The following DLGAP4 variants were observed in gnomAD, a reference collection of about 807,000 sequenced individuals.
DLGAP4 encodes the protein DLG associated protein 4.
A neutral mutation model predicts 86.9 loss-of-function variants in DLGAP4; 18 were observed. That is an observed-to-expected ratio of 0.21 (90% CI 0.14 to 0.31). The LOEUF is 0.31. Ranked by LOEUF, DLGAP4 falls within the 10% of genes least tolerant of loss-of-function variation. The pLI, the probability that DLGAP4 is intolerant of heterozygous loss-of-function variation, is 1.00. For synonymous variants in DLGAP4, 548 were observed against 574.3 expected (o/e 0.95, Z 0.65); for missense variants, 1,085 against 1,362.6 (o/e 0.80, Z 3.21).
Position 36,431,761 on chromosome 20 carries a change from G to A in DLGAP4, c.44G>A (p.Ser15Asn). 1 of 1,611,046 alleles carries A rather than the reference G, an allele frequency of 6.2e-7. No homozygotes were observed. The highest frequency in any genetic ancestry group is 8.5e-7 in the Non-Finnish European group (1 of 1,178,502). The change falls in exon 3 of 13, where the codon AGC (serine) becomes AAC (asparagine). Residue 15 changes from serine (S) to asparagine (N), a missense_variant. Ser to Asn is a conservative substitution (Grantham distance 46, BLOSUM62 1). Coordinates refer to ENST00000339266, the MANE Select transcript of DLGAP4 (RefSeq NM_001365621.2). This position sits in a 1 kb window ranked among gnomAD's most constrained non-coding sequence, Gnocchi z 5.1. ...AGCCGCCCCCGCCACCTCTCCGACAGCCTAGACCCACCCCACGAGCCCCTG... is the reference window on the plus strand; with the variant it reads ...AGCCGCCCCCGCCACCTCTCCGACAACCTAGACCCACCCCACGAGCCCCTG... Reference protein sequence around the residue: ...GDSRPRHLSDSLDPPHEPLFA... With the variant: ...GDSRPRHLSDNLDPPHEPLFA...
chr20:36,345,103 G>C (rs1481507372), intron 1 of DLGAP4, among the ~76,000 whole-genome samples: 2 of 152,190 alleles, frequency 1.3e-5, no homozygotes, highest in East Asian at 3.9e-4. Context: ...CATTATACAA[G>C]ATGGGGAAAC....
chr20:36,452,720 C>T (rs940285491), intron 7 of DLGAP4, among the ~76,000 whole-genome samples: 5 of 151,302 alleles, frequency 3.3e-5, no homozygotes, highest in South Asian at 2.1e-4. Context: ...ATGTTCGCTA[C>T]GCTGGTCTTG....
chr20:36,519,506 T>G (rs1206778454), intron 10 of DLGAP4, among the ~76,000 whole-genome samples: 1 of 152,214 alleles, frequency 6.6e-6, no homozygotes, highest in Non-Finnish European at 1.5e-5. Flanking sequence ...TGACAGACAC[T>G]TGGGTTGTTT....
intron 10 of DLGAP4, among the ~76,000 whole-genome samples, chr20:36,503,017 G>C (rs1348780901): frequency 3.3e-5 from 5 of 152,256 alleles, no homozygotes; most frequent in African/African-American, 1.2e-4. Flanking sequence ...GAGCCACCAT[G>C]CCTGGCCACC....
chr20:36,460,152 C>T (rs1212667961), intron 7 of DLGAP4, among the ~76,000 whole-genome samples: 1 of 152,124 alleles, frequency 6.6e-6, no homozygotes. Context: ...GTTGTCAGGG[C>T]CCATAACAAA....
chr20:36,450,319 G>A (rs911350842), intron 7 of DLGAP4, among the ~76,000 whole-genome samples: 8 of 152,120 alleles, frequency 5.3e-5, no homozygotes, highest in Admixed American at 1.3e-4. Context: ...CCAACATGGC[G>A]AAACCCTGTC....
Position 36,393,746 on chromosome 20 carries a change from T to C in DLGAP4, c.-73+26471T>C, listed in dbSNP as rs1374318074. Among the ~76,000 whole-genome samples the C allele has an allele frequency of 6.6e-6, 1 of 152,158 alleles. No individual in the cohort carries two copies. The highest frequency in any genetic ancestry group is 1.5e-5 in the Non-Finnish European group (1 of 68,012). On this transcript the variant is annotated intron_variant, in intron 2 of 12. Transcript: ENST00000339266. This position sits in a 1 kb window ranked among gnomAD's most constrained non-coding sequence, Gnocchi z 4.4. Reference sequence around the variant, plus strand: ...TTTGTGGCACTTTAGCCATATTGTCTTGGAATTAGACATAGATTGGGGTCT... The same window carrying C: ...TTTGTGGCACTTTAGCCATATTGTCCTGGAATTAGACATAGATTGGGGTCT...
At chr20:36,312,907 C>T (rs936889130) in intron 1 of DLGAP4, among the ~76,000 whole-genome samples, 4 of 151,286 alleles carry the variant, frequency 2.6e-5, no homozygotes, top group Admixed American at 6.6e-5. Flanking sequence ...GTAAGAGGAA[C>T]GAGCAGGTTT....
At chr20:36,461,751 G>C in intron 7 of DLGAP4, 6 of 618,788 alleles carry the variant, frequency 9.7e-6, no homozygotes, top group Non-Finnish European at 1.1e-5. Context: ...CCGTCCGTCC[G>C]CCCGCCCGCC....
chr20:36,406,275 G>A (rs1408614663), intron 2 of DLGAP4, among the ~76,000 whole-genome samples: 1 of 151,956 alleles, frequency 6.6e-6, no homozygotes, highest in Non-Finnish European at 1.5e-5. Context: ...GCGGGCGCCT[G>A]TAGTCCCAGC....
intron 2 of DLGAP4, among the ~76,000 whole-genome samples, chr20:36,426,089 C>T (rs969780512): frequency 1.3e-5 from 2 of 152,214 alleles, no homozygotes; most frequent in African/African-American, 4.8e-5. Flanking sequence ...CATGCTACAA[C>T]ATGGGTGAAC....
At chr20:36,516,793 C>A (rs1457812371) in intron 10 of DLGAP4, among the ~76,000 whole-genome samples, 2 of 151,100 alleles carry the variant, frequency 1.3e-5, no homozygotes, top group African/African-American at 2.4e-5. Flanking sequence ...GAAAAAAAAT[C>A]AAAAGTTCTG....
At chr20:36,398,932 C>T (rs764272718) in intron 2 of DLGAP4, among the ~76,000 whole-genome samples, 4 of 152,178 alleles carry the variant, frequency 2.6e-5, no homozygotes, top group African/African-American at 4.8e-5. Context: ...GTGGCTCACA[C>T]CTGTAATCCC....
At chr20:36,468,669 C>G (rs1432724797) in intron 7 of DLGAP4, among the ~76,000 whole-genome samples, 1 of 152,236 alleles carries the variant, frequency 6.6e-6, no homozygotes, top group South Asian at 2.1e-4. Context: ...CATCTGTATG[C>G]CAGTTTGCTT....
At chr20:36,360,326 G>T (rs925640150) in intron 1 of DLGAP4, among the ~76,000 whole-genome samples, 1 of 152,156 alleles carries the variant, frequency 6.6e-6, no homozygotes, top group Non-Finnish European at 1.5e-5. Context: ...CCTCCAGGCC[G>T]TGTGGAGCCA....
chr20:36,501,064 CTT>C (rs11480703), intron 10 of DLGAP4, among the ~76,000 whole-genome samples: 18 of 138,028 alleles, frequency 1.3e-4, no homozygotes, highest in Non-Finnish European at 1.7e-4. Context: ...CCTTCAACAA[CTT>C]TTTTTTTTTT....
chr20:36,481,596 C>A (rs76720925), intron 7 of DLGAP4, among the ~76,000 whole-genome samples: 1 of 152,322 alleles, frequency 6.6e-6, no homozygotes, highest in East Asian at 1.9e-4. Context: ...TTTTCATTGT[C>A]ATCTCCACAT....
In DLGAP4 at chr20:36,436,228, G is replaced by C; in HGVS notation, c.1119G>C (p.Met373Ile). 1 of 1,605,426 alleles carries C rather than the reference G, an allele frequency of 6.2e-7. No individual in the cohort carries two copies. Reference protein sequence around the residue: ...RMRSGSYIKAMGDEDSDESGG... With the variant: ...RMRSGSYIKAIGDEDSDESGG... ...GCAGCGGCAGCTACATCAAGGCCAT[G>C]GGCGACGAGGACAGCGACGAGTCCG... is the stretch of plus-strand genomic sequence containing the variant. Residue 373 changes from methionine (M) to isoleucine (I), a missense_variant, in exon 4 of 13, where the codon ATG becomes ATC. Transcript: ENST00000339266.
chr20:36,416,832 G>A (rs1273459065), intron 2 of DLGAP4, among the ~76,000 whole-genome samples: 1 of 152,126 alleles, frequency 6.6e-6, no homozygotes, highest in East Asian at 1.9e-4. Context: ...AAGAGGTGTG[G>A]AGAGGCCTAT....
Sources: gnomAD v4.1 joint callset for allele counts (sites outside exome capture counted in the v4.1 genomes callset) on GRCh38, gnomAD v4.1.1 for gene constraint, Gnocchi (gnomAD v3.1) non-coding constraint, MANE v1.5 for transcripts, NCBI Gene and HGNC (gene_info 2026-07-23, HGNC 2026-07-21) for gene names.